ROBO2: variants seen among roughly 807,000 people sequenced by gnomAD.
The protein encoded by ROBO2 is roundabout homolog 2.
A neutral mutation model predicts 160.8 loss-of-function variants in ROBO2; 53 were observed. The ratio of observed to expected loss-of-function variants is 0.33; its 90% CI spans 0.26 to 0.41. The LOEUF is 0.41. Ranked by LOEUF, ROBO2 falls within the 10% of genes least tolerant of loss-of-function variation. ROBO2 has a pLI of 1.00. For missense variants in ROBO2, 1,577 were observed against 1,722.4 expected, an observed-to-expected ratio of 0.92 and a Z score of 1.49; for synonymous variants, 664 against 611.7, an observed-to-expected ratio of 1.09 and a Z score of -1.26.
At chr3:76,542,959 A>C (rs1199752337) in intron 2 of ROBO2, among the ~76,000 whole-genome samples, 1 of 152,058 alleles carries the variant, frequency 6.6e-6, no homozygotes. Flanking sequence ...AGTTTATCTC[A>C]GTTTTCCTAC....
rs115040811 is a variant in ROBO2 at position 76,619,594 on chromosome 3, G to T, written c.110-478420G>T. Among the ~76,000 whole-genome samples the T allele has an allele frequency of 7.1e-3, 1,087 of 152,228 alleles. 14 individuals are homozygous for T. The highest frequency in any genetic ancestry group is 0.025 in the African/African-American group (1,036 of 41,520). The stretch of plus-strand genomic sequence containing the variant: ...ATATTAAAGTTATTGTCTAACTCCA[G>T]CATATTATCATTACAAAGTAGCACA... On this transcript the variant is annotated intron_variant, in intron 2 of 26. Transcript: ENST00000487694.
intron 2 of ROBO2, among the ~76,000 whole-genome samples, chr3:76,473,858 C>T (rs2078795221): frequency 6.6e-6 from 1 of 152,084 alleles, no homozygotes; most frequent in Non-Finnish European, 1.5e-5. Context: ...GAACAAAGTG[C>T]AGATGGTCAT....
intron 2 of ROBO2, among the ~76,000 whole-genome samples, chr3:76,228,418 A>G (rs1704422552): frequency 6.6e-6 from 1 of 151,856 alleles, no homozygotes; most frequent in African/African-American, 2.4e-5. Context: ...CTTTTATCTT[A>G]GTTTTTCCAA....
At chr3:76,234,897 G>C (rs1045448820) in intron 2 of ROBO2, among the ~76,000 whole-genome samples, 2 of 152,060 alleles carry the variant, frequency 1.3e-5, no homozygotes, top group Admixed American at 1.3e-4. Context: ...ACAGATGAAG[G>C]GTTATTTTCC....
exon 26 of ROBO2, chr3:77,647,676 A>T (rs1477153068): frequency 2.0e-5 from 3 of 152,078 alleles, no homozygotes; most frequent in Non-Finnish European, 2.9e-5. Flanking sequence ...CACTTGTGAC[A>T]TTTTCCCATG....
intron 2 of ROBO2, among the ~76,000 whole-genome samples, chr3:76,044,532 C>G (rs2067384394): frequency 7.5e-6 from 1 of 133,320 alleles, no homozygotes; most frequent in Admixed American, 7.7e-5. Context: ...AAGTCACAGT[C>G]ACAGAGATTC....
At chr3:77,422,565 G>A (rs1374163758) in intron 2 of ROBO2, among the ~76,000 whole-genome samples, 5 of 152,068 alleles carry the variant, frequency 3.3e-5, no homozygotes, top group South Asian at 2.1e-4. Flanking sequence ...CAATGATATC[G>A]AACCACAGAT....
chr3:76,167,347 G>A (rs2072874023), intron 2 of ROBO2, among the ~76,000 whole-genome samples: 1 of 152,146 alleles, frequency 6.6e-6, no homozygotes, highest in Admixed American at 6.5e-5. Context: ...TAACCTTGGT[G>A]CTATTGTTTG....
intron 9 of ROBO2, among the ~76,000 whole-genome samples, chr3:77,561,423 G>A (rs2093319254): frequency 6.6e-6 from 1 of 152,074 alleles, no homozygotes; most frequent in African/African-American, 2.4e-5. Context: ...TGCAGTGTAA[G>A]CCACAAGGCT....
chr3:77,410,744 T>TCCTCCTCCTCC (rs1560759245), intron 2 of ROBO2, among the ~76,000 whole-genome samples: 2 of 28,982 alleles, frequency 6.9e-5, no homozygotes, highest in Non-Finnish European at 1.4e-4. Context: ...CCTCCTCCTT[T>TCCTCCTCCTCC]TCCTCCTCCT....
chr3:76,992,827 A>AT (rs980918045), intron 2 of ROBO2, among the ~76,000 whole-genome samples: 50 of 151,600 alleles, frequency 3.3e-4, no homozygotes, highest in South Asian at 8.3e-4. Context: ...TACTTTTTTA[A>AT]TTTTTTTTGA....
At chr3:76,447,398 G>A (rs1480033397) in intron 2 of ROBO2, among the ~76,000 whole-genome samples, 1 of 150,948 alleles carries the variant, frequency 6.6e-6, no homozygotes, top group East Asian at 1.9e-4. Context: ...AACAACAGGT[G>A]CTGGAGAGGA....
chr3:76,552,668 C>A (rs1169554927), intron 2 of ROBO2, among the ~76,000 whole-genome samples: 2 of 152,246 alleles, frequency 1.3e-5, no homozygotes, highest in South Asian at 4.1e-4. Context: ...GAAACTATGG[C>A]AAACACTCTA....
chr3:77,450,845 C>T (rs954925157), intron 2 of ROBO2, among the ~76,000 whole-genome samples: 10 of 151,972 alleles, frequency 6.6e-5, no homozygotes, highest in African/African-American at 2.4e-4. Flanking sequence ...TGACGGTATT[C>T]AAGCTGGATA....
intron 2 of ROBO2, among the ~76,000 whole-genome samples, chr3:77,153,267 G>A (rs1043990014): frequency 6.6e-6 from 1 of 151,974 alleles, no homozygotes; most frequent in Non-Finnish European, 1.5e-5. Flanking sequence ...ATTCAATATC[G>A]TTACTGGTTA....
chr3:77,521,375 T>C (rs2090580042), intron 5 of ROBO2, among the ~76,000 whole-genome samples: 1 of 151,242 alleles, frequency 6.6e-6, no homozygotes, highest in Admixed American at 6.6e-5. Flanking sequence ...GCAGACAAGA[T>C]GTCTGCCTTC....
intron 2 of ROBO2, among the ~76,000 whole-genome samples, chr3:77,461,888 G>C (rs2082282872): frequency 6.6e-6 from 1 of 151,990 alleles, no homozygotes; most frequent in African/African-American, 2.4e-5. Flanking sequence ...ACCACACCCA[G>C]CTAATTTTTG....
chr3:76,398,742 A>G (rs2077633854), intron 2 of ROBO2, among the ~76,000 whole-genome samples: 1 of 151,864 alleles, frequency 6.6e-6, no homozygotes, highest in African/African-American at 2.4e-5. Flanking sequence ...TAAGTTTAGT[A>G]TATTCTATTG....
chr3:76,987,322 T>A (rs565119006), intron 2 of ROBO2, among the ~76,000 whole-genome samples: 1 of 152,334 alleles, frequency 6.6e-6, no homozygotes, highest in South Asian at 2.1e-4. Context: ...GCACTGTTCA[T>A]TTTGTTTCAG....
Sources: gnomAD v4.1 joint callset for allele counts (sites outside exome capture counted in the v4.1 genomes callset) on GRCh38, gnomAD v4.1.1 for gene constraint, MANE v1.5 for transcripts, NCBI Gene and HGNC (gene_info 2026-07-23, HGNC 2026-07-21) for gene names.